Variants in GUCY1A2 observed in about 807,000 individuals in gnomAD.
The protein encoded by GUCY1A2 is guanylate cyclase 1 soluble subunit alpha 2, also known as guanylate cyclase soluble subunit alpha-2.
GUCY1A2 carries 27 observed loss-of-function variants against 63.5 expected under a neutral mutation model. That is an observed-to-expected ratio of 0.43 (90% CI 0.31 to 0.59). GUCY1A2 has a LOEUF of 0.59. Ranked by LOEUF, GUCY1A2 falls within the 20% of genes least tolerant of loss-of-function variation. The probability of loss-of-function intolerance (pLI) is 0.11; values close to 1 mark genes in which losing one functional copy is unlikely to be tolerated. For synonymous variants in GUCY1A2, 364 were observed against 343.5 expected, an observed-to-expected ratio of 1.06 and a Z score of -0.66; for missense variants, 768 against 913.3, an observed-to-expected ratio of 0.84 and a Z score of 2.05.
chr11:106,931,919 C>A (rs961562200), intron 4 of GUCY1A2, among the ~76,000 whole-genome samples: 12 of 152,034 alleles, frequency 7.9e-5, no homozygotes, highest in African/African-American at 2.7e-4. Context: ...CTATTATATT[C>A]ATTTACTAAA....
chr11:106,903,236 C>T (rs1033915619), intron 4 of GUCY1A2, among the ~76,000 whole-genome samples: 1 of 152,066 alleles, frequency 6.6e-6, no homozygotes, highest in Non-Finnish European at 1.5e-5. Flanking sequence ...TCACCAATTT[C>T]TGAAGCCTTC....
chr11:106,903,881 T>C (rs188907558), intron 4 of GUCY1A2, among the ~76,000 whole-genome samples: 66 of 152,212 alleles, frequency 4.3e-4, no homozygotes, highest in African/African-American at 1.5e-3. Context: ...AATATAAAGA[T>C]AACATAGCTG....
chr11:106,877,594 A>G (rs925597290), intron 4 of GUCY1A2, among the ~76,000 whole-genome samples: 1 of 152,020 alleles, frequency 6.6e-6, no homozygotes, highest in East Asian at 1.9e-4. Flanking sequence ...CTGAAACTGG[A>G]CCCTTCCTTA....
intron 4 of GUCY1A2, among the ~76,000 whole-genome samples, chr11:106,900,802 G>A (rs1174852886): frequency 1.3e-5 from 2 of 152,074 alleles, no homozygotes; most frequent in African/African-American, 4.8e-5. Flanking sequence ...CTAAAAAAGC[G>A]ACAAACATAC....
At chr11:106,966,104 C>G (rs990841257) in intron 3 of GUCY1A2, among the ~76,000 whole-genome samples, 4 of 151,620 alleles carry the variant, frequency 2.6e-5, no homozygotes, top group Non-Finnish European at 5.9e-5. Context: ...TATTTTTCTT[C>G]TCTTTTCTTT....
At chr11:106,999,558 C>A (rs962424278) in intron 1 of GUCY1A2, among the ~76,000 whole-genome samples, 15 of 152,100 alleles carry the variant, frequency 9.9e-5, no homozygotes, top group East Asian at 1.9e-4. Flanking sequence ...TATCTAATGG[C>A]CAAAATGTGT....
intron 3 of GUCY1A2, among the ~76,000 whole-genome samples, chr11:106,957,090 T>C (rs1215901966): frequency 6.6e-6 from 1 of 152,206 alleles, no homozygotes; most frequent in Non-Finnish European, 1.5e-5. Flanking sequence ...TGTGTTGGGC[T>C]GTGGGGACAA....
chr11:106,956,907 G>A (rs541969603), intron 3 of GUCY1A2, among the ~76,000 whole-genome samples: 1 of 152,300 alleles, frequency 6.6e-6, no homozygotes, highest in South Asian at 2.1e-4. Flanking sequence ...CTGGTCCCCA[G>A]AGACTGTGGC....
intron 6 of GUCY1A2, among the ~76,000 whole-genome samples, chr11:106,772,207 C>T (rs947333652): frequency 6.6e-6 from 1 of 152,128 alleles, no homozygotes; most frequent in East Asian, 1.9e-4. Context: ...TTACAGGATG[C>T]CTCAAAGGTT....
intron 4 of GUCY1A2, among the ~76,000 whole-genome samples, chr11:106,844,736 T>C (rs1016091346): frequency 1.3e-5 from 2 of 151,784 alleles, no homozygotes; most frequent in Non-Finnish European, 2.9e-5. Flanking sequence ...ATAAATCCTG[T>C]TTTGTTTAAT....
rs1162713969 is a variant in GUCY1A2, at chr11:106,888,162, C to A, written c.1206+51298G>T. Among the ~76,000 whole-genome samples, 3 of 152,036 alleles carry A rather than the reference C, an allele frequency of 2.0e-5. No homozygotes were observed. In the East Asian group the frequency reaches 5.8e-4, roughly 30 times the overall value. ...AAAGTATTTTAAGGATGCTGAGAAC[C>A]AAAAATGATTTTGAGGCCGGGCACG... On this transcript the variant is annotated intron_variant, in intron 4 of 7. Transcript: ENST00000526355.
chr11:106,864,395 T>G (rs192760010), intron 4 of GUCY1A2, among the ~76,000 whole-genome samples: 2,993 of 152,166 alleles, frequency 0.02, 103 homozygotes, highest in African/African-American at 0.068. Flanking sequence ...CTCTTCCTAT[T>G]TGAATACCCT....
intron 4 of GUCY1A2, among the ~76,000 whole-genome samples, chr11:106,835,934 C>T (rs762591653): frequency 3.3e-5 from 5 of 151,580 alleles, no homozygotes; most frequent in East Asian, 1.9e-4. Context: ...AAGAATGGGA[C>T]GAATGTAGGT....
rs187759121 is a variant in GUCY1A2, at chr11:106,869,960, C to T, written c.1207-59482G>A. ...GATGAGTTCATGTCCTTTGTAGGGA[C>T]GTGGATGAAGCTGGAAACCATCATT... On this transcript the variant is annotated intron_variant, in intron 4 of 7. Transcript: ENST00000526355. Among the ~76,000 whole-genome samples the T allele has an allele frequency of 2.8e-3, 433 of 152,056 alleles. 9 individuals are homozygous for T. The highest frequency in any genetic ancestry group is 1.8e-3 in the Non-Finnish European group (121 of 67,996).
chr11:106,695,366 T>A (rs921837093), intron 7 of GUCY1A2, among the ~76,000 whole-genome samples: 7 of 152,186 alleles, frequency 4.6e-5, no homozygotes, highest in Non-Finnish European at 4.4e-5. Context: ...AATTAGAAAT[T>A]TCTGTTGTTA....
At chr11:106,942,078 A>C (rs1316922689) in intron 3 of GUCY1A2, among the ~76,000 whole-genome samples, 1 of 151,700 alleles carries the variant, frequency 6.6e-6, no homozygotes, top group African/African-American at 2.4e-5. Flanking sequence ...CTAGTGTAGA[A>C]GAGAAAACAA....
chr11:106,772,888 C>A (rs1010438075), intron 6 of GUCY1A2, among the ~76,000 whole-genome samples: 25 of 152,058 alleles, frequency 1.6e-4, no homozygotes, highest in Non-Finnish European at 3.1e-4. Flanking sequence ...AGACAGTATT[C>A]CTTTTGTTTG....
At chr11:106,906,354 G>C (rs1860205456) in intron 4 of GUCY1A2, among the ~76,000 whole-genome samples, 1 of 152,094 alleles carries the variant, frequency 6.6e-6, no homozygotes, top group Non-Finnish European at 1.5e-5. Flanking sequence ...CATCATCACT[G>C]GTCATTAGAG....
intron 6 of GUCY1A2, among the ~76,000 whole-genome samples, chr11:106,726,482 A>G (rs140203503): frequency 3.9e-5 from 6 of 152,212 alleles, no homozygotes; most frequent in Non-Finnish European, 1.5e-5. Flanking sequence ...TGGGTAAGCA[A>G]GCAAAAATTA....
Sources: allele counts gnomAD v4.1 joint callset (sites outside exome capture counted in the v4.1 genomes callset), GRCh38; gene constraint gnomAD v4.1.1; transcripts MANE v1.5; gene names NCBI Gene and HGNC (gene_info 2026-07-23, HGNC 2026-07-21).